PRR16: variants seen among roughly 807,000 people sequenced by gnomAD.
PRR16 encodes the protein protein Largen.
In PRR16, 6 loss-of-function variants were observed where a neutral mutation model predicts 18.2. The ratio of observed to expected loss-of-function variants is 0.33; its 90% CI spans 0.18 to 0.65. The LOEUF (loss-of-function observed/expected upper bound fraction) is 0.65, where lower values mean the gene tolerates loss of function less well. Ranked by LOEUF, PRR16 falls within the 30% of genes least tolerant of loss-of-function variation. PRR16 has a pLI of 0.74. For missense variants in PRR16, 412 were observed against 376.6 expected, an observed-to-expected ratio of 1.09 and a Z score of -0.78; for synonymous variants, 151 against 147.8, an observed-to-expected ratio of 1.02 and a Z score of -0.16.
the PRR16 span, among the ~76,000 whole-genome samples, chr5:120,746,077 T>A: frequency 2.6e-5 from 4 of 152,074 alleles, no homozygotes; most frequent in Non-Finnish European, 4.4e-5. Flanking sequence ...CATAATTCTG[T>A]CATCTTTAGA....
At chr5:120,668,002 G>A (rs1376936093) in intron 1 of PRR16, among the ~76,000 whole-genome samples, 1 of 151,954 alleles carries the variant, frequency 6.6e-6, no homozygotes. Context: ...CAATTCCTGG[G>A]TATCCTTGTT....
chr5:120,605,701 T>G (rs1340495033), intron 1 of PRR16, among the ~76,000 whole-genome samples: 1 of 152,220 alleles, frequency 6.6e-6, no homozygotes, highest in African/African-American at 2.4e-5. Context: ...TTTTATATTC[T>G]TTGATGCCCT....
At chr5:120,641,315 C>T (rs1386206249) in intron 1 of PRR16, among the ~76,000 whole-genome samples, 2 of 152,046 alleles carry the variant, frequency 1.3e-5, no homozygotes, top group African/African-American at 2.4e-5. Context: ...AACAGATTAA[C>T]TGAGGACATT....
At chr5:120,678,724 A>G (rs192005220) in intron 1 of PRR16, among the ~76,000 whole-genome samples, 3 of 152,184 alleles carry the variant, frequency 2.0e-5, no homozygotes, top group Non-Finnish European at 4.4e-5. Flanking sequence ...AGATCATATC[A>G]TCTGCAAATA....
intron 1 of PRR16, among the ~76,000 whole-genome samples, chr5:120,600,725 T>A (rs1035753464): frequency 2.0e-5 from 3 of 151,854 alleles, no homozygotes; most frequent in African/African-American, 7.2e-5. Context: ...CATCCTATTC[T>A]TACCCTCTCT....
In PRR16 at chr5:120,683,975, A is replaced by G. The variant is rs913240748; in HGVS notation, c.160-1979A>G. ...GAGACTACTGAAATGAAAAAAAGCA[A>G]AGTGGCTTTGGATAGTCCATACAGT... On this transcript the variant is annotated intron_variant, in intron 1 of 1. Transcript: ENST00000407149. 2.6e-5 allele frequency among the ~76,000 whole-genome samples: 4 copies of G among 152,156 alleles called. No individual in the cohort carries two copies. The East Asian group carries it at 7.7e-4, about 29-fold the overall frequency.
At chr5:120,513,642 T>G (rs187731271) in intron 1 of PRR16, among the ~76,000 whole-genome samples, 1 of 152,134 alleles carries the variant, frequency 6.6e-6, no homozygotes, top group Non-Finnish European at 1.5e-5. Flanking sequence ...CTATTACATC[T>G]CTGTGTTTTT....
intron 1 of PRR16, among the ~76,000 whole-genome samples, chr5:120,539,312 A>C (rs1467924055): frequency 6.6e-6 from 1 of 151,412 alleles, no homozygotes; most frequent in Admixed American, 6.6e-5. Context: ...TTTCCCTGGA[A>C]GATTAAAAAT....
At chr5:120,744,798 C>T in the PRR16 span, among the ~76,000 whole-genome samples, 19 of 152,186 alleles carry the variant, frequency 1.2e-4, no homozygotes, top group Admixed American at 4.6e-4. Context: ...AGCTATAGCT[C>T]GCCTCTGTGT....
At chr5:120,757,732 G>A in the PRR16 span, among the ~76,000 whole-genome samples, 1 of 151,920 alleles carries the variant, frequency 6.6e-6, no homozygotes, top group East Asian at 1.9e-4. Flanking sequence ...GAGATCATAG[G>A]TTTGGTGAAT....
chr5:120,662,482 T>C (rs532659833), intron 1 of PRR16, among the ~76,000 whole-genome samples: 1 of 152,246 alleles, frequency 6.6e-6, no homozygotes, highest in African/African-American at 2.4e-5. Context: ...TTTATTCCCT[T>C]TTAATAAGTG....
intron 1 of PRR16, among the ~76,000 whole-genome samples, chr5:120,542,712 A>G (rs950960233): frequency 6.6e-6 from 1 of 152,182 alleles, no homozygotes; most frequent in African/African-American, 2.4e-5. Flanking sequence ...TCTTATAATT[A>G]CATAAGTATG....
At chr5:120,662,292 A>G (rs1756199471) in intron 1 of PRR16, among the ~76,000 whole-genome samples, 1 of 152,096 alleles carries the variant, frequency 6.6e-6, no homozygotes, top group South Asian at 2.1e-4. Context: ...AAATGTTAGG[A>G]ACAGGTCTGT....
chr5:120,497,005 G>T (rs948518703), intron 1 of PRR16, among the ~76,000 whole-genome samples: 18 of 152,056 alleles, frequency 1.2e-4, no homozygotes, highest in Non-Finnish European at 2.5e-4. Flanking sequence ...CCAGTTTAGA[G>T]ATTTTAATGT....
chr5:120,650,696 A>T (rs1363974183), intron 1 of PRR16, among the ~76,000 whole-genome samples: 1 of 152,060 alleles, frequency 6.6e-6, no homozygotes. Flanking sequence ...CATGGTGTAT[A>T]TGTGCCACGT....
intron 1 of PRR16, among the ~76,000 whole-genome samples, chr5:120,641,873 T>C (rs537370790): frequency 3.3e-5 from 5 of 152,232 alleles, no homozygotes; most frequent in Admixed American, 6.5e-5. Flanking sequence ...TCCTTAGGAC[T>C]TCAAATCCAG....
the PRR16 span, among the ~76,000 whole-genome samples, chr5:120,737,871 C>G: frequency 6.6e-6 from 1 of 151,900 alleles, no homozygotes; most frequent in African/African-American, 2.4e-5. Flanking sequence ...ATAATGTATC[C>G]ATTTTTGCTA....
the PRR16 span, among the ~76,000 whole-genome samples, chr5:120,752,885 G>A: frequency 6.6e-6 from 1 of 151,916 alleles, no homozygotes; most frequent in Non-Finnish European, 1.5e-5. Flanking sequence ...CTCAGGTACA[G>A]AATGGGCAAA....
At chr5:120,663,468 A>G (rs954156586) in intron 1 of PRR16, among the ~76,000 whole-genome samples, 7 of 152,098 alleles carry the variant, frequency 4.6e-5, no homozygotes, top group African/African-American at 7.2e-5. Flanking sequence ...AAAAAAAATT[A>G]TAAGTCATTT....
Sources: gnomAD v4.1 joint callset for allele counts (sites outside exome capture counted in the v4.1 genomes callset) on GRCh38, gnomAD v4.1.1 for gene constraint, MANE v1.5 for transcripts, NCBI Gene and HGNC (gene_info 2026-07-23, HGNC 2026-07-21) for gene names.